ENPEP: variants seen among roughly 807,000 people sequenced by gnomAD.
ENPEP encodes the protein glutamyl aminopeptidase.
Under a neutral mutation model 114.5 loss-of-function variants are expected in ENPEP, and 103 were observed. That is an observed-to-expected ratio of 0.90 (90% confidence interval 0.77 to 1.06). The LOEUF (loss-of-function observed/expected upper bound fraction) is 1.06. Ranked by LOEUF, ENPEP falls within the 50% of genes least tolerant of loss-of-function variation. The pLI is 0.00. For synonymous variants in ENPEP, 420 were observed against 422.0 expected (o/e 1.00, Z 0.06); for missense variants, 1,196 against 1,161.3 (o/e 1.03, Z -0.43).
At chr4:110,515,914 A>G (rs1275165908) in intron 8 of ENPEP, 1 of 423,046 alleles carries the variant, frequency 2.4e-6, no homozygotes. Context: ...GAGAGAGAGC[A>G]CTCTGGTGTC....
intron 10 of ENPEP, 108 bp downstream of exon 10, chr4:110,520,474 T>G (rs1409264883): frequency 1.7e-6 from 2 of 1,191,270 alleles, no homozygotes; most frequent in African/African-American, 3.1e-5. Flanking sequence ...TATACAAGTA[T>G]AAAGCCACAG....
In ENPEP at chr4:110,477,836, ATAGG is replaced by A. The variant is rs1034309167; in HGVS notation, c.644+781_644+784del. On this transcript the variant is annotated intron_variant, in intron 1 of 19. Coordinates refer to ENST00000265162, the MANE Select transcript of ENPEP (RefSeq NM_001977.4). ...TGTATACAAATATCTATCTAGATAG[ATAGG>A]TATTTATTCCACTTTCCCACCTATT... Among the ~76,000 whole-genome samples the A allele has an allele frequency of 3.5e-4, 54 of 152,200 alleles. 1 individual carries two copies. Among genetic ancestry groups the A allele is most frequent in the African/African-American group, 1.2e-3 (50 of 41,450 alleles).
At chr4:110,478,849 T>A (rs1251258022) in intron 1 of ENPEP, among the ~76,000 whole-genome samples, 1 of 152,240 alleles carries the variant, frequency 6.6e-6, no homozygotes, top group African/African-American at 2.4e-5. Flanking sequence ...TTTATTATTA[T>A]AAACAAATCA....
At chr4:110,549,695 A>G (rs1445322729) in intron 16 of ENPEP, 21 bp from the exon 17 acceptor site, 1 of 1,612,748 alleles carries the variant, frequency 6.2e-7, no homozygotes, top group African/African-American at 1.3e-5. Context: ...GAAATCTCTG[A>G]AACACTGTTT....
chr4:110,521,893 T>C (rs1166395270), intron 10 of ENPEP, among the ~76,000 whole-genome samples: 5 of 151,812 alleles, frequency 3.3e-5, no homozygotes, highest in Non-Finnish European at 7.4e-5. Context: ...CTTTTTTTTT[T>C]TTCGAGACAG....
intron 14 of ENPEP, 129 bp downstream of exon 14, chr4:110,548,455 T>C (rs550708102): frequency 1.6e-4 from 109 of 662,220 alleles, no homozygotes; most frequent in Non-Finnish European, 2.4e-4. Context: ...CAAAAGAAAG[T>C]GCAATGACTT....
chr4:110,500,807 G>T (rs1415648891), intron 3 of ENPEP, among the ~76,000 whole-genome samples: 1 of 152,118 alleles, frequency 6.6e-6, no homozygotes, highest in Non-Finnish European at 1.5e-5. Context: ...AGGGGTAATT[G>T]CCTGAACTTT....
At position 110,561,555 on chromosome 4, in the gene ENPEP, T is replaced by G. The variant is rs1295225604; in HGVS notation, c.2871T>G (p.Gly957=). 9.9e-6 allele frequency: 16 copies of G among 1,610,166 alleles called. No individual in the cohort carries two copies. Among genetic ancestry groups the G allele is most frequent in the Admixed American group, 1.7e-5 (1 of 58,698 alleles). ...REWFFNLLES[G] is the part of the protein sequence containing the mutation. ...GGTTTTTTAATTTACTTGAGAGTGG[T>G]TAATGTATTCAAATGTTAGAGTTTA... is the stretch of plus-strand genomic sequence containing the variant. The change falls in exon 20 of 20, where the codon GGT becomes GGG. Residue 957 remains glycine (G), a synonymous_variant. Coordinates refer to ENST00000265162, the MANE Select transcript of ENPEP (RefSeq NM_001977.4).
chr4:110,494,376 A>G lies in ENPEP; in HGVS notation c.918+3212A>G, dbSNP rs545002170. On this transcript the variant is annotated intron_variant, in intron 3 of 19. Coordinates refer to ENST00000265162, the MANE Select transcript of ENPEP (RefSeq NM_001977.4). The stretch of plus-strand genomic sequence containing the variant: ...CTTTATTACTTTTTTAGTAAAAAAC[A>G]AAAATAAAAAATGAAGCCATGTATT... Among the ~76,000 whole-genome samples, 417 of 152,370 alleles carry G rather than the reference A, an allele frequency of 2.7e-3. 2 individuals are homozygous for G. Among genetic ancestry groups the G allele is most frequent in the African/African-American group, 9.3e-3 (388 of 41,588 alleles).
chr4:110,537,991 C>T (rs986576873), intron 11 of ENPEP, among the ~76,000 whole-genome samples: 11 of 152,168 alleles, frequency 7.2e-5, no homozygotes, highest in South Asian at 2.1e-4. Flanking sequence ...TATTAACAGA[C>T]GTGCCGTCAC....
intron 11 of ENPEP, among the ~76,000 whole-genome samples, chr4:110,535,944 A>G (rs1726602256): frequency 1.3e-5 from 2 of 152,026 alleles, no homozygotes; most frequent in African/African-American, 2.4e-5. Flanking sequence ...GTAATAAATT[A>G]TTTTAGTTAA....
At chr4:110,487,448 T>C (rs893153980) in intron 1 of ENPEP, among the ~76,000 whole-genome samples, 3 of 152,226 alleles carry the variant, frequency 2.0e-5, no homozygotes, top group African/African-American at 2.4e-5. Context: ...TCCTCTGTTA[T>C]AATTTTGCAA....
chr4:110,550,260 T>C (rs1727237393), intron 17 of ENPEP, among the ~76,000 whole-genome samples: 1 of 151,742 alleles, frequency 6.6e-6, no homozygotes, highest in South Asian at 2.1e-4. Context: ...AGCAAAAGAG[T>C]TTCCTGACAA....
chr4:110,477,128 T>G, intron 1 of ENPEP, 70 bp downstream of exon 1: 1 of 1,523,044 alleles, frequency 6.6e-7, no homozygotes, highest in Admixed American at 2.1e-5. Flanking sequence ...TCCTTTCCTT[T>G]TCACTTTCCG....
intron 11 of ENPEP, among the ~76,000 whole-genome samples, 197 bp from the exon 12 acceptor site, chr4:110,542,554 G>A (rs1726888629): frequency 6.6e-6 from 1 of 151,952 alleles, no homozygotes. Context: ...TTCTTTTTTA[G>A]CTCACTCATT....
At chr4:110,487,379 C>T (rs1724543947) in intron 1 of ENPEP, among the ~76,000 whole-genome samples, 1 of 152,184 alleles carries the variant, frequency 6.6e-6, no homozygotes, top group African/African-American at 2.4e-5. Flanking sequence ...ACAAGTGCAG[C>T]TTAAAGGTTA....
rs1188906137 is a variant in ENPEP, at chr4:110,562,947, CT to C, written c.*1392del. The C allele has an allele frequency of 6.6e-6, 1 of 152,096 alleles. No homozygotes were observed. The highest frequency in any genetic ancestry group is 2.4e-5 in the African/African-American group (1 of 41,438). 9.4% of individuals were successfully genotyped at this position (152,096 alleles called of 1,614,324 possible). ...TGTGCCCTAATCATGTACTCTGAAA[CT>C]TTATAAACTTTCCTGTTGCTGTTTC... On this transcript the variant is annotated 3_prime_UTR_variant, in exon 20 of 20. Coordinates refer to ENST00000265162, the MANE Select transcript of ENPEP (RefSeq NM_001977.4).
chr4:110,560,924 G>A (rs533073889), intron 19 of ENPEP, among the ~76,000 whole-genome samples: 11 of 152,116 alleles, frequency 7.2e-5, no homozygotes, highest in African/African-American at 2.7e-4. Context: ...TTGAGTTTGG[G>A]GTAGGGCTTT....
intron 8 of ENPEP, among the ~76,000 whole-genome samples, chr4:110,517,401 G>T (rs1351470698): frequency 6.6e-6 from 1 of 152,118 alleles, no homozygotes; most frequent in East Asian, 1.9e-4. Flanking sequence ...AAATAAAGAA[G>T]ATTCATTTTC....
Sources: gnomAD v4.1 joint callset for allele counts (sites outside exome capture counted in the v4.1 genomes callset) on GRCh38, gnomAD v4.1.1 for gene constraint, MANE v1.5 for transcripts, NCBI Gene and HGNC (gene_info 2026-07-23, HGNC 2026-07-21) for gene names.